The following ZNF710 variants were observed in gnomAD, a reference collection of about 807,000 sequenced individuals.
ZNF710 encodes the protein zinc finger protein 710.
A neutral mutation model predicts 50.6 loss-of-function variants in ZNF710; 13 were observed. The observed-to-expected ratio is 0.26, with a 90% CI of 0.17 to 0.41. The LOEUF (loss-of-function observed/expected upper bound fraction) is 0.41. ZNF710 is among the 10% of genes least tolerant of loss of function. The pLI is 1.00. For synonymous variants in ZNF710, 383 were observed against 397.0 expected, an observed-to-expected ratio of 0.96 and a Z score of 0.42; for missense variants, 721 against 936.6, an observed-to-expected ratio of 0.77 and a Z score of 3.01.
upstream of ZNF710, among the ~76,000 whole-genome samples, chr15:90,000,886 G>GCCCCCTTTGTACCGGACAGGGCCGGGC (rs1174931426): frequency 5.9e-5 from 9 of 152,198 alleles, no homozygotes; most frequent in African/African-American, 2.2e-4. Flanking sequence ...GGGCCCCCGG[G>GCCCCCTTTGTACCGGACAGGGCCGGGC]CCCCCTTTGT....
intron 1 of ZNF710, among the ~76,000 whole-genome samples, chr15:90,037,252 C>T (rs1048024038): frequency 5.2e-4 from 79 of 152,360 alleles, no homozygotes; most frequent in African/African-American, 1.8e-3. Context: ...TCCAACCCTT[C>T]TTCCTGGTTC....
intron 1 of ZNF710, among the ~76,000 whole-genome samples, chr15:90,063,447 C>A (rs1294056562): frequency 6.6e-6 from 1 of 152,108 alleles, no homozygotes; most frequent in Non-Finnish European, 1.5e-5. Flanking sequence ...AGCTGTAGGT[C>A]TTCCGTGGTG....
chr15:90,008,834 T>A (rs902308913), intron 1 of ZNF710, among the ~76,000 whole-genome samples: 1 of 152,078 alleles, frequency 6.6e-6, no homozygotes, highest in African/African-American at 2.4e-5. Context: ...GATTTTCTGA[T>A]ATTAAATACA....
intron 1 of ZNF710, among the ~76,000 whole-genome samples, chr15:90,009,457 C>T (rs1157269731): frequency 6.6e-6 from 1 of 152,092 alleles, no homozygotes; most frequent in Non-Finnish European, 1.5e-5. Flanking sequence ...AAGCAGGTCA[C>T]CTCTGAAATT....
chr15:90,016,771 A>G (rs12909376), intron 1 of ZNF710, among the ~76,000 whole-genome samples: 1 of 151,936 alleles, frequency 6.6e-6, no homozygotes, highest in Admixed American at 6.6e-5. Context: ...ATGGCCATAC[A>G]CCATAGCCTA....
At chr15:90,058,908 T>G (rs1001114499) in intron 1 of ZNF710, among the ~76,000 whole-genome samples, 2 of 152,104 alleles carry the variant, frequency 1.3e-5, no homozygotes, top group African/African-American at 4.8e-5. Flanking sequence ...CTTAAGGCCT[T>G]CAACTGATTG....
At chr15:90,009,903 G>A (rs1048276761) in intron 1 of ZNF710, among the ~76,000 whole-genome samples, 1 of 152,018 alleles carries the variant, frequency 6.6e-6, no homozygotes, top group Non-Finnish European at 1.5e-5. Context: ...CATCTTGTGT[G>A]ACTTCCTCTT....
chr15:90,022,591 T>C (rs1046974779), intron 1 of ZNF710, among the ~76,000 whole-genome samples: 1 of 152,206 alleles, frequency 6.6e-6, no homozygotes. Context: ...AGAAACACTA[T>C]GGCGGATCAC....
intron 1 of ZNF710, among the ~76,000 whole-genome samples, chr15:90,044,494 A>G (rs556109841): frequency 2.6e-5 from 4 of 152,310 alleles, no homozygotes; most frequent in South Asian, 2.1e-4. Flanking sequence ...AACCCTCACC[A>G]AATAAGGGGC....
chr15:90,016,558 C>T (rs1376079970), intron 1 of ZNF710, among the ~76,000 whole-genome samples: 1 of 152,188 alleles, frequency 6.6e-6, no homozygotes, highest in African/African-American at 2.4e-5. Context: ...CCTCCTGCCT[C>T]GGCCTCCCAA....
upstream of ZNF710, among the ~76,000 whole-genome samples, chr15:90,000,802 C>T (rs1167308965): frequency 1.3e-5 from 2 of 152,156 alleles, no homozygotes; most frequent in East Asian, 3.9e-4. Flanking sequence ...GGAGCCGCAC[C>T]CGTGCCCCAA....
chr15:90,011,900 T>C (rs1898314563), intron 1 of ZNF710, among the ~76,000 whole-genome samples: 1 of 152,198 alleles, frequency 6.6e-6, no homozygotes, highest in Non-Finnish European at 1.5e-5. Flanking sequence ...CTTCAGGCTT[T>C]CATTGTTGAT....
chr15:90,071,029 G>A (rs367923828), intron 2 of ZNF710, among the ~76,000 whole-genome samples: 20 of 152,266 alleles, frequency 1.3e-4, no homozygotes, highest in African/African-American at 4.3e-4. Context: ...TTAGGAGGCC[G>A]AGGCGGGCAG....
Position 90,030,208 on chromosome 15 carries a change from G to A in ZNF710, c.-29+28594G>A, listed in dbSNP as rs1398769737. Among the ~76,000 whole-genome samples, 8 of 150,356 alleles carry A rather than the reference G, an allele frequency of 5.3e-5. No homozygotes were observed. In the Admixed American group the frequency reaches 5.3e-4, roughly 10 times the overall value. On this transcript the variant is annotated intron_variant, in intron 1 of 4. Transcript: ENST00000268154. Reference sequence around the variant, plus strand: ...GCCGGATGTGGTGGTGCATGCCTGTGATCCCAGCTATTTGGGAGGCTGAGG... The same window carrying A: ...GCCGGATGTGGTGGTGCATGCCTGTAATCCCAGCTATTTGGGAGGCTGAGG...
intron 2 of ZNF710, among the ~76,000 whole-genome samples, chr15:90,071,546 C>T (rs1265765664): frequency 6.6e-6 from 1 of 151,992 alleles, no homozygotes; most frequent in Non-Finnish European, 1.5e-5. Flanking sequence ...AGTTTTTATA[C>T]CAAACAAGCA....
At chr15:90,069,152 C>T (rs1021824314) in intron 2 of ZNF710, among the ~76,000 whole-genome samples, 2 of 147,854 alleles carry the variant, frequency 1.4e-5, no homozygotes, top group African/African-American at 2.5e-5. Context: ...TGCTTCAACC[C>T]GGGAGGCAGA....
At chr15:90,010,046 G>A (rs1898257585) in intron 1 of ZNF710, among the ~76,000 whole-genome samples, 2 of 152,008 alleles carry the variant, frequency 1.3e-5, no homozygotes, top group African/African-American at 4.8e-5. Context: ...TCTCTCATCT[G>A]TTTTTTTGTA....
At position 90,079,932 on chromosome 15, in the gene ZNF710, C is replaced by G. The variant is rs1392943934; in HGVS notation, c.*103C>G. 1.7e-6 allele frequency: 2 copies of G among 1,166,636 alleles called. No individual in the cohort carries two copies. The highest frequency in any genetic ancestry group is 5.4e-5 in the East Asian group (2 of 36,904). 72.3% of individuals were successfully genotyped at this position (1,166,636 alleles called of 1,614,324 possible). A position where few individuals can be genotyped will look rare whatever the true frequency, so the allele number is the denominator to read the frequency against. The stretch of plus-strand genomic sequence containing the variant: ...CTGCAGCCGAGAAACAAGCTACTGC[C>G]CCACTGTTCTGAGCCCTCCCTCCCC... On this transcript the variant is annotated 3_prime_UTR_variant, in exon 5 of 5. Transcript: ENST00000268154.
At chr15:90,011,945 G>A (rs1167261025) in intron 1 of ZNF710, among the ~76,000 whole-genome samples, 3 of 152,186 alleles carry the variant, frequency 2.0e-5, no homozygotes, top group Non-Finnish European at 2.9e-5. Context: ...GGTGGCTCAC[G>A]CCCGTAACCC....
Sources: gnomAD v4.1 joint callset for allele counts (sites outside exome capture counted in the v4.1 genomes callset) on GRCh38, gnomAD v4.1.1 for gene constraint, MANE v1.5 for transcripts, NCBI Gene and HGNC (gene_info 2026-07-23, HGNC 2026-07-21) for gene names.